Variants in CSMD1 observed in about 807,000 individuals in gnomAD.
The protein encoded by CSMD1 is CUB and Sushi multiple domains 1, also known as CUB and sushi domain-containing protein 1.
A neutral mutation model predicts 417.5 loss-of-function variants in CSMD1; 213 were observed. The observed-to-expected ratio is 0.51, with a 90% CI of 0.46 to 0.57. The LOEUF (loss-of-function observed/expected upper bound fraction) is 0.57. Ranked by LOEUF, CSMD1 falls within the 20% of genes least tolerant of loss-of-function variation. CSMD1 has a pLI of 0.00. For synonymous variants in CSMD1, 2,862 were observed against 1,736.8 expected, an observed-to-expected ratio of 1.65 and a Z score of -16.11; for missense variants, 6,923 against 4,529.7, an observed-to-expected ratio of 1.53 and a Z score of -15.17.
intron 3 of CSMD1, among the ~76,000 whole-genome samples, chr8:4,093,908 C>A (rs1800852018): frequency 6.6e-6 from 1 of 151,730 alleles, no homozygotes; most frequent in African/African-American, 2.4e-5. Flanking sequence ...TTCAGTGAGC[C>A]CAGATTGCGC....
At chr8:4,706,977 G>A (rs779228821) in intron 1 of CSMD1, among the ~76,000 whole-genome samples, 1 of 152,242 alleles carries the variant, frequency 6.6e-6, no homozygotes, top group East Asian at 1.9e-4. Context: ...AGAGTGACAG[G>A]GACAAAGTCA....
intron 3 of CSMD1, among the ~76,000 whole-genome samples, chr8:4,072,131 T>G (rs1799590982): frequency 6.6e-6 from 1 of 152,214 alleles, no homozygotes; most frequent in Admixed American, 6.5e-5. Context: ...GTTCAACTCC[T>G]TCGGAATCTG....
chr8:4,724,532 G>A (rs1254984498), intron 1 of CSMD1, among the ~76,000 whole-genome samples: 2 of 149,172 alleles, frequency 1.3e-5, no homozygotes, highest in Non-Finnish European at 3.0e-5. Flanking sequence ...GTGTGTGTGT[G>A]TGTGTGTGTG....
intron 3 of CSMD1, among the ~76,000 whole-genome samples, chr8:4,399,870 A>G (rs920877696): frequency 4.6e-5 from 7 of 152,196 alleles, no homozygotes; most frequent in African/African-American, 1.7e-4. Context: ...TTAAAAGTGT[A>G]CCAAAGTAGT....
At chr8:3,938,963 TAGGC>T (rs1043783648) in intron 5 of CSMD1, among the ~76,000 whole-genome samples, 136 of 152,290 alleles carry the variant, frequency 8.9e-4, no homozygotes, top group African/African-American at 3.1e-3. Context: ...ATAATATTCA[TAGGC>T]AGGGAGTATG....
At chr8:3,055,007 A>C (rs12375400) in intron 49 of CSMD1, among the ~76,000 whole-genome samples, 109,734 of 152,070 alleles carry the variant, frequency 0.72, 40,045 homozygotes, top group East Asian at 0.78. Context: ...TTCACTCTGA[A>C]AATCACGTGT....
intron 2 of CSMD1, among the ~76,000 whole-genome samples, chr8:4,625,874 C>T (rs1020208540): frequency 2.0e-5 from 3 of 152,048 alleles, no homozygotes; most frequent in African/African-American, 7.3e-5. Context: ...CAGGTACACA[C>T]CCCCACGCCT....
chr8:3,988,077 G>T (rs1450552340), intron 5 of CSMD1, among the ~76,000 whole-genome samples: 1 of 152,200 alleles, frequency 6.6e-6, no homozygotes, highest in African/African-American at 2.4e-5. Flanking sequence ...ACATAGGGAA[G>T]CTGTTGAAAT....
intron 3 of CSMD1, among the ~76,000 whole-genome samples, chr8:4,099,130 A>T (rs1337974930): frequency 6.7e-6 from 1 of 149,632 alleles, no homozygotes; most frequent in African/African-American, 2.5e-5. Context: ...CTACCAGTGG[A>T]TTCCTTCTTT....
chr8:3,910,436 A>G (rs925533839), intron 5 of CSMD1, among the ~76,000 whole-genome samples: 1 of 152,184 alleles, frequency 6.6e-6, no homozygotes, highest in African/African-American at 2.4e-5. Flanking sequence ...CCTTCATAAA[A>G]TCACGAAATT....
chr8:4,433,987 A>G (rs540236103), intron 2 of CSMD1, among the ~76,000 whole-genome samples: 103 of 152,334 alleles, frequency 6.8e-4, no homozygotes, highest in Non-Finnish European at 1.2e-3. Flanking sequence ...TTTTCTCTTC[A>G]GCCTCAAGAT....
chr8:4,234,635 G>A (rs921643176), intron 3 of CSMD1, among the ~76,000 whole-genome samples: 1 of 152,118 alleles, frequency 6.6e-6, no homozygotes, highest in African/African-American at 2.4e-5. Context: ...CTAGGACATG[G>A]AAGATTGCAC....
chr8:4,613,271 A>C (rs1336955949), intron 2 of CSMD1, among the ~76,000 whole-genome samples: 4 of 152,234 alleles, frequency 2.6e-5, no homozygotes, highest in Non-Finnish European at 4.4e-5. Context: ...TGATGAGCCA[A>C]GGCACGCCAT....
intron 31 of CSMD1, among the ~76,000 whole-genome samples, chr8:3,203,467 C>G (rs376011505): frequency 6.6e-6 from 1 of 152,176 alleles, no homozygotes; most frequent in East Asian, 1.9e-4. Flanking sequence ...ACTGTCAATG[C>G]TTCATGGTGA....
intron 3 of CSMD1, among the ~76,000 whole-genome samples, chr8:4,041,676 T>A (rs1797902501): frequency 6.6e-6 from 1 of 151,930 alleles, no homozygotes; most frequent in Admixed American, 6.6e-5. Flanking sequence ...GAGCCAGAAA[T>A]AAAACAGAAT....
chr8:3,258,379 A>G (rs1279347592), intron 26 of CSMD1, among the ~76,000 whole-genome samples: 1 of 152,214 alleles, frequency 6.6e-6, no homozygotes, highest in African/African-American at 2.4e-5. Context: ...AATGCAAATT[A>G]AAACCAAAAT....
chr8:3,903,515 C>G (rs1410927260), intron 5 of CSMD1, among the ~76,000 whole-genome samples: 4 of 152,164 alleles, frequency 2.6e-5, no homozygotes, highest in African/African-American at 4.8e-5. Flanking sequence ...TTCTCATATA[C>G]AGATACAGTA....
intron 5 of CSMD1, among the ~76,000 whole-genome samples, chr8:3,964,745 A>C (rs185761334): frequency 6.6e-6 from 1 of 152,326 alleles, no homozygotes; most frequent in Non-Finnish European, 1.5e-5. Context: ...TGACACATAC[A>C]TTGTCCTGTA....
chr8:4,316,630 G>A (rs1391558914), intron 3 of CSMD1, among the ~76,000 whole-genome samples: 2 of 151,970 alleles, frequency 1.3e-5, no homozygotes, highest in East Asian at 1.9e-4. Flanking sequence ...GACAGAAGGT[G>A]AACGACAATG....
Sources: gnomAD v4.1 joint callset for allele counts (sites outside exome capture counted in the v4.1 genomes callset) on GRCh38, gnomAD v4.1.1 for gene constraint, MANE v1.5 for transcripts, NCBI Gene and HGNC (gene_info 2026-07-23, HGNC 2026-07-21) for gene names.